The following USH1C variants were observed in gnomAD, a reference collection of about 807,000 sequenced individuals.
The protein encoded by USH1C is harmonin.
USH1C carries 90 observed loss-of-function variants against 119.3 expected under a neutral mutation model. The ratio of observed to expected loss-of-function variants is 0.75; its 90% CI spans 0.64 to 0.90. The LOEUF (loss-of-function observed/expected upper bound fraction) is 0.90. Among genes scored for constraint, USH1C ranks in the 40% least tolerant of loss-of-function variants. The pLI is 0.00. For missense variants in USH1C, 1,165 were observed against 1,167.7 expected (o/e 1.00, Z 0.03); for synonymous variants, 465 against 443.3 (o/e 1.05, Z -0.62).
At chr11:17,504,350 G>A (rs1591968070) in intron 20 of USH1C, among the ~76,000 whole-genome samples, 1 of 152,180 alleles carries the variant, frequency 6.6e-6, no homozygotes, top group South Asian at 2.1e-4. Context: ...GGCCTCTGAG[G>A]GTTCCTTCTG....
intron 2 of USH1C, among the ~76,000 whole-genome samples, chr11:17,532,599 C>T (rs1251188168): frequency 6.6e-6 from 1 of 152,176 alleles, no homozygotes; most frequent in Non-Finnish European, 1.5e-5. Context: ...CTTGCCTGGC[C>T]CCAAATCTTT....
intron 26 of USH1C, 110 bp from the exon 27 acceptor site, chr11:17,494,486 C>T: frequency 7.8e-7 from 1 of 1,282,554 alleles, no homozygotes; most frequent in Admixed American, 2.0e-5. Context: ...CAGCACAAGG[C>T]CCTGCCACCC....
intron 25 of USH1C, among the ~76,000 whole-genome samples, chr11:17,496,332 C>A (rs2072228): frequency 0.4 from 60,257 of 152,014 alleles, 12,352 homozygotes; most frequent in South Asian, 0.5. Context: ...GTGGTCCCGG[C>A]TGCCTAGAGG....
intron 4 of USH1C, among the ~76,000 whole-genome samples, chr11:17,528,376 C>T (rs1184282043): frequency 6.6e-6 from 1 of 152,182 alleles, no homozygotes; most frequent in African/African-American, 2.4e-5. Flanking sequence ...TGGAGCTCCT[C>T]ATTTAATAAC....
intron 16 of USH1C, among the ~76,000 whole-genome samples, chr11:17,511,338 TG>T (rs11297959): frequency 0.52 from 78,070 of 149,770 alleles, 20,790 homozygotes; most frequent in East Asian, 0.63. Flanking sequence ...CTAAGTTGGG[TG>T]GGGGGGGGTC....
intron 25 of USH1C, 70 bp from the exon 26 acceptor site, chr11:17,495,747 T>G (rs1279409132): frequency 5.2e-6 from 8 of 1,534,422 alleles, no homozygotes; most frequent in East Asian, 2.3e-5. Flanking sequence ...TCCATGGGGC[T>G]TCTCCTTTCA....
chr11:17,520,345 G>T (rs972819820), intron 14 of USH1C, among the ~76,000 whole-genome samples: 7 of 152,120 alleles, frequency 4.6e-5, no homozygotes, highest in Admixed American at 1.3e-4. Flanking sequence ...AGGCCTCCTT[G>T]TCCTGTTCCT....
intron 8 of USH1C, 87 bp downstream of exon 8, chr11:17,526,260 G>T: frequency 8.7e-7 from 1 of 1,147,068 alleles, no homozygotes; most frequent in South Asian, 1.3e-5. Flanking sequence ...AGGTTTCCTC[G>T]GAAGTGGCAG....
At position 17,531,665 on chromosome 11, in the gene USH1C, T is replaced by A; in HGVS notation, c.105-123A>T. 1 of 1,310,204 alleles carries A rather than the reference T, an allele frequency of 7.6e-7. No homozygotes were observed. Among genetic ancestry groups the A allele is most frequent in the Non-Finnish European group, 1.1e-6 (1 of 942,628 alleles). The allele number at this position is 1,310,204 out of a possible 1,614,324, so 81.2% of individuals were successfully genotyped here. A position where few individuals can be genotyped will look rare whatever the true frequency, so the allele number is the denominator to read the frequency against. ...GCTTAGGAATGGAGTAGACCACTCC[T>A]GAAAAGCCCAGAGCTCTTCACACCG... On this transcript the variant is annotated intron_variant, in intron 2 of 26. Transcript: ENST00000005226. The surrounding 1 kb of genome is among the most constrained non-coding windows in gnomAD (Gnocchi z 4.2).
At chr11:17,526,126 G>A (rs923708138) in intron 8 of USH1C, among the ~76,000 whole-genome samples, 1 of 152,196 alleles carries the variant, frequency 6.6e-6, no homozygotes, top group Admixed American at 6.5e-5. Flanking sequence ...GCTTGAGCTG[G>A]GGAGGTTGAG....
chr11:17,509,306 C>A, intron 18 of USH1C, 50 bp downstream of exon 18: 3 of 1,518,602 alleles, frequency 2.0e-6, no homozygotes, highest in Non-Finnish European at 2.7e-6. Context: ...AACAGCAGTT[C>A]TCCCCACTCT....
Position 17,531,352 on chromosome 11 carries a change from G to T in USH1C, c.248+47C>A. ...TGGCTGCCAGCACTGCCCCGCCCAG[G>T]GTGATCTCTCCACCCCCTGCCTCCA... On this transcript the variant is annotated intron_variant, in intron 3 of 26. Coordinates refer to ENST00000005226, the MANE Select transcript of USH1C (RefSeq NM_153676.4). This position sits in a 1 kb window ranked among gnomAD's most constrained non-coding sequence, Gnocchi z 4.2. 2 of 1,613,906 alleles carry T rather than the reference G, an allele frequency of 1.2e-6. No individual in the cohort carries two copies. The highest frequency in any genetic ancestry group is 1.7e-6 in the Non-Finnish European group (2 of 1,179,918).
At chr11:17,501,896 G>T in intron 21 of USH1C, 43 bp downstream of exon 21, 1 of 1,605,386 alleles carries the variant, frequency 6.2e-7, no homozygotes, top group Non-Finnish European at 8.5e-7. Flanking sequence ...ACACTGCCCT[G>T]TTCCTGGGGT....
At chr11:17,516,493 C>A (rs140265378) in intron 14 of USH1C, 3 of 614,546 alleles carry the variant, frequency 4.9e-6, no homozygotes, top group African/African-American at 1.8e-5. Flanking sequence ...CTAAGACCAC[C>A]GAGAAAAGCC....
At position 17,531,259 on chromosome 11, in the gene USH1C, G is replaced by A. The variant is rs554615192; in HGVS notation, c.282C>T (p.His94=). The change falls in exon 4 of 27, where the codon CAC becomes CAT. Residue 94 remains histidine, a synonymous_variant. Coordinates refer to ENST00000005226, the MANE Select transcript of USH1C (RefSeq NM_153676.4). This position sits in a 1 kb window ranked among gnomAD's most constrained non-coding sequence, Gnocchi z 4.2. The part of the protein sequence containing the change: ...KLKEVRLDRL[H]PEGLGLSVRG... ...GCACACTCAGGCCGAGGCCTTCGGG[G>A]TGCAGACGGTCCAGACGCACCTCCT... 1 of 1,614,132 alleles carries A rather than the reference G, an allele frequency of 6.2e-7. No homozygotes were observed. The highest frequency in any genetic ancestry group is 8.5e-7 in the Non-Finnish European group (1 of 1,180,038).
intron 16 of USH1C, among the ~76,000 whole-genome samples, chr11:17,510,988 C>G (rs924968494): frequency 3.3e-5 from 5 of 152,196 alleles, no homozygotes; most frequent in Admixed American, 3.3e-4. Flanking sequence ...ATGCATTTCA[C>G]ATTTTCCAGG....
chr11:17,537,529 GTCACCACCTT>G (rs1207148198), intron 1 of USH1C, among the ~76,000 whole-genome samples: 1 of 152,162 alleles, frequency 6.6e-6, no homozygotes, highest in African/African-American at 2.4e-5. Context: ...CCAGGCCTGG[GTCACCACCTT>G]TCCACTGGTC....
chr11:17,522,941 G>A lies in USH1C; in HGVS notation c.877-15C>T, dbSNP rs368799377. 1.2e-6 allele frequency: 2 copies of A among 1,607,740 alleles called. No homozygotes were observed. The highest frequency in any genetic ancestry group is 2.7e-5 in the African/African-American group (2 of 74,818). ...AGCTCCCGGCCCTCATGGGAGAAAA[G>A]AGGCCCCTTGCTCAGCCCCCGGGGA... On this transcript the variant is annotated splice_polypyrimidine_tract_variant and intron_variant, in intron 11 of 26. Transcript: ENST00000005226.
In USH1C at chr11:17,526,744, G is replaced by A. The variant is rs764011940; in HGVS notation, c.579+9C>T. 6.2e-7 allele frequency: 1 copy of A among 1,613,868 alleles called. No individual in the cohort carries two copies. Among genetic ancestry groups the A allele is most frequent in the Non-Finnish European group, 8.5e-7 (1 of 1,179,800 alleles). On this transcript the variant is annotated intron_variant, in intron 7 of 26. Coordinates refer to ENST00000005226, the MANE Select transcript of USH1C (RefSeq NM_153676.4). ...ACCCAAACCCCATCACAGGAGGTCT[G>A]GCCCTTACCCCAGATTCCGACACAA...
Sources: allele counts gnomAD v4.1 joint callset (sites outside exome capture counted in the v4.1 genomes callset), GRCh38; gene constraint gnomAD v4.1.1; non-coding constraint Gnocchi (gnomAD v3.1); transcripts MANE v1.5; gene names NCBI Gene and HGNC (gene_info 2026-07-23, HGNC 2026-07-21).